The following RASA1 variants were observed in gnomAD, a reference collection of about 807,000 sequenced individuals.
The protein encoded by RASA1 is ras GTPase-activating protein 1.
In RASA1, 25 loss-of-function variants were observed where a neutral mutation model predicts 132.2. That is an observed-to-expected ratio of 0.19 (90% CI 0.14 to 0.26). The LOEUF (loss-of-function observed/expected upper bound fraction) is 0.26, where lower values mean the gene tolerates loss of function less well. Among genes scored for constraint, RASA1 ranks in the 10% least tolerant of loss-of-function variants. The probability of loss-of-function intolerance (pLI) is 1.00; values close to 1 mark genes in which losing one functional copy is unlikely to be tolerated. For synonymous variants in RASA1, 477 were observed against 449.9 expected, an observed-to-expected ratio of 1.06 and a Z score of -0.76; for missense variants, 964 against 1,299.2, an observed-to-expected ratio of 0.74 and a Z score of 3.97.
At chr5:87,316,070 A>G (rs560916650) in intron 1 of RASA1, among the ~76,000 whole-genome samples, 1 of 152,352 alleles carries the variant, frequency 6.6e-6, no homozygotes, top group South Asian at 2.1e-4. Flanking sequence ...ATTTTTGGAT[A>G]ATTTTCAGAA....
chr5:87,270,687 TAAG>T (rs1753792887), intron 1 of RASA1, among the ~76,000 whole-genome samples: 2 of 127,904 alleles, frequency 1.6e-5, no homozygotes, highest in African/African-American at 6.1e-5. Context: ...TTTTTTTGGA[TAAG>T]CTTCTTTGGA....
Position 87,329,978 on chromosome 5 carries a change from A to G in RASA1, c.540-1370A>G, listed in dbSNP as rs1293422982. Among the ~76,000 whole-genome samples, 13 of 152,266 alleles carry G rather than the reference A, an allele frequency of 8.5e-5. No individual in the cohort carries two copies. In the East Asian group the frequency reaches 2.3e-3, roughly 27 times the overall value. ...GTTAAATTTACTTGTCATTTGTCTC[A>G]AAGATAATGGCTGAACTAAGATTAG... On this transcript the variant is annotated intron_variant, in intron 1 of 24. Transcript: ENST00000274376.
chr5:87,297,145 T>G (rs114589529), intron 1 of RASA1, among the ~76,000 whole-genome samples: 2,750 of 152,340 alleles, frequency 0.018, 45 homozygotes, highest in Non-Finnish European at 0.024. Context: ...TCCGTTTCTC[T>G]GCTTACATTG....
Position 87,363,411 on chromosome 5 carries a change from A to G in RASA1, c.1517A>G (p.Tyr506Cys). 1 of 1,611,094 alleles carries G rather than the reference A, an allele frequency of 6.2e-7. No individual in the cohort carries two copies. The highest frequency in any genetic ancestry group is 1.3e-5 in the African/African-American group (1 of 74,928). ...GAGGGTAGTGATGCCCAACTTATTTATTTTGAAAGCGAAAAACGAGCTACC... is the reference window on the plus strand; with the variant it reads ...GAGGGTAGTGATGCCCAACTTATTTGTTTTGAAAGCGAAAAACGAGCTACC... ...ILEGSDAQLI[Y>C]FESEKRATKP... Residue 506 changes from tyrosine (Y) to cysteine (C), a missense_variant, in exon 11 of 25, where the codon TAT (tyrosine) becomes TGT (cysteine). Tyr to Cys is a radical substitution (Grantham distance 194, BLOSUM62 -2). Coordinates refer to ENST00000274376, the MANE Select transcript of RASA1 (RefSeq NM_002890.3).
intron 1 of RASA1, among the ~76,000 whole-genome samples, chr5:87,283,135 G>GTT (rs150142048): frequency 2.5e-4 from 25 of 99,760 alleles, no homozygotes; most frequent in South Asian, 9.9e-4. Context: ...AGTAAGTTTT[G>GTT]TTTTTTTTTT....
At chr5:87,306,076 A>G (rs932613235) in intron 1 of RASA1, among the ~76,000 whole-genome samples, 1 of 152,218 alleles carries the variant, frequency 6.6e-6, no homozygotes, top group Non-Finnish European at 1.5e-5. Flanking sequence ...TCAAAGATCT[A>G]AAGATAGAAA....
At chr5:87,288,173 C>CAT (rs372945594) in intron 1 of RASA1, among the ~76,000 whole-genome samples, 118 of 139,740 alleles carry the variant, frequency 8.4e-4, no homozygotes, top group South Asian at 6.1e-3. Context: ...ATATACACAC[C>CAT]ATATATATAT....
Position 87,379,728 on chromosome 5 carries a change from CT to C in RASA1, c.2488-3del, listed in dbSNP as rs1272238427. The stretch of plus-strand genomic sequence containing the variant: ...ATGCATTTATATTGATTTATTCCTT[CT>C]TTTAGTTAAGTCCATCAAAGTTAGA... On this transcript the variant is annotated splice_polypyrimidine_tract_variant and splice_region_variant and intron_variant, in intron 18 of 24. Transcript: ENST00000274376. The C allele has an allele frequency of 6.2e-7, 1 of 1,611,362 alleles. No individual in the cohort carries two copies. The highest frequency in any genetic ancestry group is 8.5e-7 in the Non-Finnish European group (1 of 1,178,516).
intron 9 of RASA1, 67 bp downstream of exon 9, chr5:87,353,302 T>C: frequency 8.2e-7 from 1 of 1,223,482 alleles, no homozygotes; most frequent in South Asian, 1.2e-5. Context: ...GTGGTATGTT[T>C]TTGCACACAT....
intron 15 of RASA1, 40 bp from the exon 16 acceptor site, chr5:87,376,353 T>A: frequency 6.2e-7 from 1 of 1,608,502 alleles, no homozygotes. Flanking sequence ...AATTATCGTG[T>A]TCTCTTTTTA....
At chr5:87,335,434 T>G (rs1413511307) in intron 4 of RASA1, among the ~76,000 whole-genome samples, 3 of 144,962 alleles carry the variant, frequency 2.1e-5, no homozygotes, top group South Asian at 2.3e-4. Flanking sequence ...TTTTTTTTTT[T>G]TTTTTTTTTT....
chr5:87,349,202 T>A lies in RASA1; in HGVS notation c.1103-12T>A. On this transcript the variant is annotated splice_polypyrimidine_tract_variant and intron_variant, in intron 7 of 24. Transcript: ENST00000274376. ...GATAATTAGGGAAAAACTAACAGCT[T>A]AATTCTTACAGTTGGTCAAGTCTGC... 1 of 1,611,136 alleles carries A rather than the reference T, an allele frequency of 6.2e-7. No homozygotes were observed. The highest frequency in any genetic ancestry group is 8.5e-7 in the Non-Finnish European group (1 of 1,177,984).
chr5:87,286,944 CAT>C (rs558382879), intron 1 of RASA1, among the ~76,000 whole-genome samples: 1 of 143,150 alleles, frequency 7.0e-6, no homozygotes, highest in Non-Finnish European at 1.5e-5. Flanking sequence ...ATATATACAC[CAT>C]ATATATACAT....
At chr5:87,340,532 T>G (rs1758357320) in intron 5 of RASA1, among the ~76,000 whole-genome samples, 1 of 152,098 alleles carries the variant, frequency 6.6e-6, no homozygotes, top group Non-Finnish European at 1.5e-5. Flanking sequence ...TAAATCCACA[T>G]GTAGTTAGAC....
intron 1 of RASA1, among the ~76,000 whole-genome samples, chr5:87,307,599 G>A (rs892111364): frequency 6.6e-6 from 1 of 151,846 alleles, no homozygotes; most frequent in Non-Finnish European, 1.5e-5. Flanking sequence ...TCTTTATTTT[G>A]TGTTTTCCTG....
intron 14 of RASA1, among the ~76,000 whole-genome samples, 180 bp downstream of exon 14, chr5:87,374,500 T>C (rs1761184941): frequency 1.3e-5 from 2 of 149,448 alleles, no homozygotes; most frequent in Admixed American, 6.7e-5. Context: ...CCTTTATTTG[T>C]GAAGTGCTAT....
At chr5:87,312,017 T>C (rs1755954862) in intron 1 of RASA1, among the ~76,000 whole-genome samples, 1 of 152,238 alleles carries the variant, frequency 6.6e-6, no homozygotes, top group Non-Finnish European at 1.5e-5. Flanking sequence ...AGGAATGTAA[T>C]GTTTTGATAA....
Position 87,268,232 on chromosome 5 carries a change from T to G in RASA1, c.-220T>G. ...GGGTGGCGTTTGTGCAGGCGTTGGGTTTTTTGCCCACTTGGCTTCCCGTAA... is the reference window on the plus strand; with the variant it reads ...GGGTGGCGTTTGTGCAGGCGTTGGGGTTTTTGCCCACTTGGCTTCCCGTAA... On this transcript the variant is annotated 5_prime_UTR_variant, in exon 1 of 25. Transcript: ENST00000274376. 1.6e-6 allele frequency: 1 copy of G among 634,002 alleles called. No homozygotes were observed. Among genetic ancestry groups the G allele is most frequent in the Non-Finnish European group, 2.6e-6 (1 of 381,024 alleles). 39.3% of individuals were successfully genotyped at this position (634,002 alleles called of 1,614,324 possible). A position where few individuals can be genotyped will look rare whatever the true frequency, so the allele number is the denominator to read the frequency against.
intron 1 of RASA1, among the ~76,000 whole-genome samples, chr5:87,315,950 T>C (rs1756298068): frequency 6.6e-6 from 1 of 152,208 alleles, no homozygotes; most frequent in African/African-American, 2.4e-5. Flanking sequence ...AATTTTTCTG[T>C]GGTTTCTTCA....
Sources: allele counts gnomAD v4.1 joint callset (sites outside exome capture counted in the v4.1 genomes callset), GRCh38; gene constraint gnomAD v4.1.1; transcripts MANE v1.5; gene names NCBI Gene and HGNC (gene_info 2026-07-23, HGNC 2026-07-21).